The following CLSTN1 variants were observed in gnomAD, a reference collection of about 807,000 sequenced individuals.
CLSTN1 encodes the protein calsyntenin 1, also known as calsyntenin-1.
Under a neutral mutation model 108.3 loss-of-function variants are expected in CLSTN1, and 28 were observed. The ratio of observed to expected loss-of-function variants is 0.26; its 90% CI spans 0.19 to 0.35. The LOEUF (loss-of-function observed/expected upper bound fraction) is 0.35, where lower values mean the gene tolerates loss of function less well. CLSTN1 is among the 10% of genes least tolerant of loss of function. The pLI is 1.00. For missense variants in CLSTN1, 1,157 were observed against 1,302.6 expected (o/e 0.89, Z 1.72); for synonymous variants, 524 against 534.9 (o/e 0.98, Z 0.28).
At chr1:9,765,691 C>T (rs373825536) in intron 2 of CLSTN1, among the ~76,000 whole-genome samples, 1 of 152,066 alleles carries the variant, frequency 6.6e-6, no homozygotes, top group Admixed American at 6.5e-5. Context: ...GCCAGCCTGG[C>T]CAACAAAGCG....
intron 7 of CLSTN1, among the ~76,000 whole-genome samples, chr1:9,745,460 C>T (rs1039882065): frequency 6.6e-6 from 1 of 151,910 alleles, no homozygotes; most frequent in Non-Finnish European, 1.5e-5. Context: ...AGTTGGAGAC[C>T]AGCCTGGACA....
intron 1 of CLSTN1, among the ~76,000 whole-genome samples, chr1:9,810,454 C>A (rs1654705321): frequency 6.6e-6 from 1 of 151,222 alleles, no homozygotes; most frequent in Non-Finnish European, 1.5e-5. Context: ...CCAGGCTGGG[C>A]AACAGAATGA....
intron 1 of CLSTN1, among the ~76,000 whole-genome samples, chr1:9,775,026 G>A (rs956397190): frequency 9.2e-5 from 14 of 152,142 alleles, no homozygotes; most frequent in Non-Finnish European, 1.8e-4. Flanking sequence ...GCATGCTAAT[G>A]TATTTTAATT....
chr1:9,762,633 G>A (rs1348949058), intron 2 of CLSTN1, among the ~76,000 whole-genome samples: 1 of 134,522 alleles, frequency 7.4e-6, no homozygotes, highest in Non-Finnish European at 1.5e-5. Flanking sequence ...ACGGCTGGGT[G>A]TCCGGGCTGT....
chr1:9,733,581 G>C (rs1650522513), intron 15 of CLSTN1, 35 bp from the exon 16 acceptor site: 1 of 1,612,192 alleles, frequency 6.2e-7, no homozygotes, highest in African/African-American at 1.3e-5. Context: ...TTGCCGGGTG[G>C]CTTAGGGCAG....
intron 1 of CLSTN1, among the ~76,000 whole-genome samples, chr1:9,804,912 A>C (rs1252809134): frequency 1.3e-5 from 2 of 152,092 alleles, no homozygotes; most frequent in Non-Finnish European, 2.9e-5. Flanking sequence ...TCACGAGGTC[A>C]GGAGTTCCAG....
In CLSTN1 at chr1:9,823,704, G is replaced by A. The variant is rs1655283039; in HGVS notation, c.30C>T (p.Ala10=). The A allele has an allele frequency of 1.8e-6, 2 of 1,123,982 alleles. No individual in the cohort carries two copies. The highest frequency in any genetic ancestry group is 1.1e-6 in the Non-Finnish European group (1 of 919,256). 69.6% of individuals were successfully genotyped at this position (1,123,982 alleles called of 1,614,324 possible). The change falls in exon 1 of 19, where the codon GCC becomes GCT. Residue 10 remains alanine, a synonymous_variant. Transcript: ENST00000377298. This position sits in a 1 kb window ranked among gnomAD's most constrained non-coding sequence, Gnocchi z 6.3. MLRRPAPAL[A]PAARLLLAGL... is the part of the protein sequence containing the mutation. ...CGGCCAGCAGCAGCCGGGCGGCCGG[G>A]GCCAGCGCGGGAGCGGGGCGGCGCA... is the stretch of plus-strand genomic sequence containing the variant.
chr1:9,810,472 T>C (rs1057402189), intron 1 of CLSTN1, among the ~76,000 whole-genome samples: 1 of 136,638 alleles, frequency 7.3e-6, no homozygotes, highest in African/African-American at 2.8e-5. Flanking sequence ...TGAGACTCTG[T>C]CTCAAAAATA....
chr1:9,776,862 T>TTATC (rs70998308), intron 1 of CLSTN1, among the ~76,000 whole-genome samples: 58,823 of 139,906 alleles, frequency 0.42, 12,554 homozygotes, highest in Non-Finnish European at 0.46. Flanking sequence ...CTATCAGCAT[T>TTATC]TATCTATCTA....
chr1:9,792,720 A>G (rs1653823138), intron 1 of CLSTN1, among the ~76,000 whole-genome samples: 1 of 151,416 alleles, frequency 6.6e-6, no homozygotes, highest in Non-Finnish European at 1.5e-5. Context: ...TCCCTGAAAC[A>G]AGAGCACGTT....
At chr1:9,781,996 C>T (rs1445463484) in intron 1 of CLSTN1, among the ~76,000 whole-genome samples, 1 of 152,150 alleles carries the variant, frequency 6.6e-6, no homozygotes, top group African/African-American at 2.4e-5. Flanking sequence ...TGAAAGCTGA[C>T]ACTATTTCAG....
At chr1:9,822,355 G>A (rs1655219541) in intron 1 of CLSTN1, among the ~76,000 whole-genome samples, 1 of 152,202 alleles carries the variant, frequency 6.6e-6, no homozygotes, top group Non-Finnish European at 1.5e-5. Context: ...CATCCTCGAT[G>A]TTTAGAAAGG....
chr1:9,787,438 C>T (rs1383153294), intron 1 of CLSTN1, among the ~76,000 whole-genome samples: 2 of 139,846 alleles, frequency 1.4e-5, no homozygotes, highest in African/African-American at 2.7e-5. Context: ...GAGTCTCACT[C>T]TGTCGCCCAG....
At chr1:9,777,679 T>C (rs1432939875) in intron 1 of CLSTN1, among the ~76,000 whole-genome samples, 4 of 152,280 alleles carry the variant, frequency 2.6e-5, no homozygotes, top group South Asian at 2.1e-4. Flanking sequence ...AGTTTTGTTT[T>C]TGCAAATCTT....
intron 4 of CLSTN1, 130 bp from the exon 5 acceptor site, chr1:9,751,811 T>C (rs1417920421): frequency 1.4e-6 from 1 of 726,498 alleles, no homozygotes; most frequent in Non-Finnish European, 2.3e-6. Flanking sequence ...CCTTGTTTCA[T>C]GAAATTCATA....
intron 15 of CLSTN1, among the ~76,000 whole-genome samples, 192 bp from the exon 16 acceptor site, chr1:9,733,738 T>G (rs1409837933): frequency 6.6e-6 from 1 of 152,158 alleles, no homozygotes; most frequent in Non-Finnish European, 1.5e-5. Flanking sequence ...GTGGGGGACG[T>G]GTCATCCCAC....
intron 3 of CLSTN1, among the ~76,000 whole-genome samples, 169 bp downstream of exon 3, chr1:9,756,312 T>A (rs1651801892): frequency 6.6e-6 from 1 of 152,248 alleles, no homozygotes; most frequent in Admixed American, 6.5e-5. Flanking sequence ...ACCAAGGGTC[T>A]GGTTACATAC....
rs939077922 is a variant in CLSTN1 at position 9,823,577 on chromosome 1, C to A, written c.91+66G>T. ...CGGACCCGAATCCCCGCACCGGGACCCGAATCCTGCACCCGGACCCGAATC... is the reference window on the plus strand; with the variant it reads ...CGGACCCGAATCCCCGCACCGGGACACGAATCCTGCACCCGGACCCGAATC... On this transcript the variant is annotated intron_variant, in intron 1 of 18. Transcript: ENST00000377298. The surrounding 1 kb of genome is among the most constrained non-coding windows in gnomAD (Gnocchi z 6.3). 9.2e-7 allele frequency: 1 copy of A among 1,082,550 alleles called. No individual in the cohort carries two copies. The highest frequency in any genetic ancestry group is 4.6e-5 in the South Asian group (1 of 21,846). 67.1% of individuals were successfully genotyped at this position (1,082,550 alleles called of 1,614,324 possible).
At chr1:9,745,760 T>C (rs1297433455) in intron 7 of CLSTN1, among the ~76,000 whole-genome samples, 1 of 147,296 alleles carries the variant, frequency 6.8e-6, no homozygotes, top group Non-Finnish European at 1.5e-5. Flanking sequence ...ACTATCTGAA[T>C]AGTTGTTTTT....
Sources: gnomAD v4.1 joint callset for allele counts (sites outside exome capture counted in the v4.1 genomes callset) on GRCh38, gnomAD v4.1.1 for gene constraint, Gnocchi (gnomAD v3.1) non-coding constraint, MANE v1.5 for transcripts, NCBI Gene and HGNC (gene_info 2026-07-23, HGNC 2026-07-21) for gene names.